Variants in ST3GAL1 observed in about 807,000 individuals in gnomAD.
ST3GAL1 encodes ST3 beta-galactoside alpha-2,3-sialyltransferase 1, also known as CMP-N-acetylneuraminate-beta-galactosamide-alpha-2,3-sialyltransferase 1.
Under a neutral mutation model 34.1 loss-of-function variants are expected in ST3GAL1, and 16 were observed. That is an observed-to-expected ratio of 0.47 (90% CI 0.32 to 0.71). The LOEUF (loss-of-function observed/expected upper bound fraction) is 0.71. Ranked by LOEUF, ST3GAL1 falls within the 30% of genes least tolerant of loss-of-function variation. The pLI is 0.04. For missense variants in ST3GAL1, 353 were observed against 447.4 expected, an observed-to-expected ratio of 0.79 and a Z score of 1.90; for synonymous variants, 191 against 184.7, an observed-to-expected ratio of 1.03 and a Z score of -0.28.
intron 3 of ST3GAL1, among the ~76,000 whole-genome samples, chr8:133,492,325 T>C (rs1816810797): frequency 6.6e-6 from 1 of 152,302 alleles, no homozygotes; most frequent in East Asian, 1.9e-4. Context: ...GTCCTGTCCC[T>C]AAAGTGCACC....
intron 2 of ST3GAL1, among the ~76,000 whole-genome samples, chr8:133,513,434 C>T (rs539559816): frequency 1.1e-4 from 16 of 152,192 alleles, no homozygotes; most frequent in South Asian, 8.3e-4. Context: ...TTTTGGAGTA[C>T]GGAAGGCCTC....
intron 3 of ST3GAL1, among the ~76,000 whole-genome samples, chr8:133,493,565 G>C (rs1201189476): frequency 6.6e-6 from 1 of 152,212 alleles, no homozygotes; most frequent in African/African-American, 2.4e-5. Flanking sequence ...AAACCACCCT[G>C]ACTGGGCGTG....
At chr8:133,464,046 T>G (rs923987966) in intron 7 of ST3GAL1, among the ~76,000 whole-genome samples, 4 of 142,840 alleles carry the variant, frequency 2.8e-5, no homozygotes, top group African/African-American at 1.0e-4. Flanking sequence ...ATCCGGGGGC[T>G]AGCTCTGTTC....
In ST3GAL1 at chr8:133,457,153, T is replaced by A. The variant is rs773723033; in HGVS notation, c.*2611A>T. ...CTGCAATGTGGCCTTGATTTTCTCA[T>A]CAGTAAAATGGGAAAGCTGGATTTG... On this transcript the variant is annotated 3_prime_UTR_variant, in exon 10 of 10. Transcript: ENST00000522652. 1 of 152,166 alleles carries A rather than the reference T, an allele frequency of 6.6e-6. No individual in the cohort carries two copies. The highest frequency in any genetic ancestry group is 1.5e-5 in the Non-Finnish European group (1 of 68,058). The allele number at this position is 152,166 out of a possible 1,614,324, so 9.4% of individuals were successfully genotyped here.
intron 8 of ST3GAL1, among the ~76,000 whole-genome samples, chr8:133,462,833 C>T (rs965095289): frequency 4.6e-5 from 7 of 152,180 alleles, no homozygotes; most frequent in Non-Finnish European, 8.8e-5. Context: ...GCTGGAGGCA[C>T]GGGGAGTCTT....
At chr8:133,558,660 G>GA (rs1172573671) in intron 1 of ST3GAL1, among the ~76,000 whole-genome samples, 17 of 152,278 alleles carry the variant, frequency 1.1e-4, no homozygotes, top group African/African-American at 3.6e-4. Context: ...GAGAAAAAGA[G>GA]AAAACCTCCT....
chr8:133,517,855 T>G (rs886491131), intron 2 of ST3GAL1, among the ~76,000 whole-genome samples: 2 of 152,230 alleles, frequency 1.3e-5, no homozygotes, highest in Non-Finnish European at 2.9e-5. Flanking sequence ...CAGAAAGTTT[T>G]ACATAAAAAT....
At chr8:133,523,743 G>A (rs988479342) in intron 2 of ST3GAL1, among the ~76,000 whole-genome samples, 5 of 152,156 alleles carry the variant, frequency 3.3e-5, no homozygotes, top group East Asian at 1.9e-4. Flanking sequence ...AAGTACAAAC[G>A]GACTGGCAGA....
rs371550778 is a variant in ST3GAL1, at chr8:133,475,773, C to T, written c.252G>A (p.Pro84=). ...AGAGCGCGTTCTGGGCGGTCAGCAG[C>T]GGCTGCATGGTCTGGTTGAACCTCT... ...FDERFNQTMQ[P]LLTAQNALLE... Residue 84 remains proline (P), a synonymous_variant, in exon 5 of 10, where the codon CCG becomes CCA. Coordinates refer to ENST00000522652, the MANE Select transcript of ST3GAL1 (RefSeq NM_173344.3). The T allele has an allele frequency of 2.7e-5, 43 of 1,612,966 alleles. No homozygotes were observed. Among genetic ancestry groups the T allele is most frequent in the Middle Eastern group, 3.3e-4 (2 of 6,080 alleles).
intron 2 of ST3GAL1, among the ~76,000 whole-genome samples, chr8:133,513,512 G>A (rs755392702): frequency 6.6e-6 from 1 of 152,178 alleles, no homozygotes; most frequent in Non-Finnish European, 1.5e-5. Flanking sequence ...CAGTGTCCAC[G>A]GCTACTTTCG....
At chr8:133,535,941 C>G (rs1271193790) in intron 2 of ST3GAL1, among the ~76,000 whole-genome samples, 2 of 152,192 alleles carry the variant, frequency 1.3e-5, no homozygotes, top group Admixed American at 1.3e-4. Context: ...TGCTCTACTG[C>G]AATCCTCACT....
chr8:133,534,946 C>A (rs751660663), intron 2 of ST3GAL1, among the ~76,000 whole-genome samples: 10 of 152,196 alleles, frequency 6.6e-5, no homozygotes, highest in Non-Finnish European at 1.3e-4. Flanking sequence ...GCTCCCAGTG[C>A]AGCAGGGGAA....
chr8:133,541,634 C>A (rs547599819), intron 2 of ST3GAL1, among the ~76,000 whole-genome samples: 2 of 152,216 alleles, frequency 1.3e-5, no homozygotes, highest in South Asian at 4.1e-4. Flanking sequence ...GGGACAAATG[C>A]TTCCCCAGTC....
chr8:133,563,518 A>G (rs1356290710), intron 1 of ST3GAL1, among the ~76,000 whole-genome samples: 2 of 152,198 alleles, frequency 1.3e-5, no homozygotes, highest in African/African-American at 4.8e-5. Flanking sequence ...CCAGGTCCCC[A>G]AATCCAAACT....
rs1370310320 is a variant in ST3GAL1, at chr8:133,556,054, T to G, written c.-581-10128A>C. Among the ~76,000 whole-genome samples, 1 of 150,520 alleles carries G rather than the reference T, an allele frequency of 6.6e-6. No homozygotes were observed. The highest frequency in any genetic ancestry group is 6.6e-5 in the Admixed American group (1 of 15,148). ...GATTACAGGCACCTGCCACCACGCC[T>G]GGCTGATTTTTTTTGTATTTTAGTA... On this transcript the variant is annotated intron_variant, in intron 1 of 9. Coordinates refer to ENST00000522652, the MANE Select transcript of ST3GAL1 (RefSeq NM_173344.3). This position sits in a 1 kb window ranked among gnomAD's most constrained non-coding sequence, Gnocchi z 8.9.
chr8:133,483,930 CT>C (rs1485369377), intron 3 of ST3GAL1, among the ~76,000 whole-genome samples: 1 of 152,176 alleles, frequency 6.6e-6, no homozygotes, highest in Non-Finnish European at 1.5e-5. Flanking sequence ...TCCAATCAGT[CT>C]TTTTTCCCAC....
At chr8:133,464,260 C>T (rs1316180575) in intron 7 of ST3GAL1, among the ~76,000 whole-genome samples, 3 of 152,096 alleles carry the variant, frequency 2.0e-5, no homozygotes, top group Non-Finnish European at 4.4e-5. Context: ...GTGCCGAGTG[C>T]CACGTGCGGT....
intron 2 of ST3GAL1, among the ~76,000 whole-genome samples, chr8:133,538,112 C>T (rs1818358760): frequency 6.6e-6 from 1 of 152,176 alleles, no homozygotes; most frequent in Non-Finnish European, 1.5e-5. Context: ...AAAGTATAGG[C>T]AGAAGGAGCA....
intron 1 of ST3GAL1, among the ~76,000 whole-genome samples, chr8:133,549,970 AAAACAAAC>A (rs145922441): frequency 1.3e-5 from 2 of 151,960 alleles, no homozygotes; most frequent in Non-Finnish European, 2.9e-5. Context: ...CTCAAAAAAC[AAAACAAAC>A]AAACAAACAA....
Sources: gnomAD v4.1 joint callset for allele counts (sites outside exome capture counted in the v4.1 genomes callset) on GRCh38, gnomAD v4.1.1 for gene constraint, Gnocchi (gnomAD v3.1) non-coding constraint, MANE v1.5 for transcripts, NCBI Gene and HGNC (gene_info 2026-07-23, HGNC 2026-07-21) for gene names.